The following CLCN5 variants were observed in gnomAD, a reference collection of about 807,000 sequenced individuals.
The protein encoded by CLCN5 is Cl-/H+ antiporter 5, also known as H(+)/Cl(-) exchange transporter 5.
Under a neutral mutation model 54.0 loss-of-function variants are expected in CLCN5, and 17 were observed. The ratio of observed to expected loss-of-function variants is 0.31; its 90% CI spans 0.22 to 0.47. The LOEUF is 0.47. Among genes scored for constraint, CLCN5 ranks in the 20% least tolerant of loss-of-function variants. The pLI is 1.00. For missense variants in CLCN5, 448 were observed against 646.7 expected, an observed-to-expected ratio of 0.69 and a Z score of 3.33; for synonymous variants, 222 against 233.0, an observed-to-expected ratio of 0.95 and a Z score of 0.43.
chrX:49,966,199 G>C (rs1927837838), intron 3 of CLCN5, among the ~76,000 whole-genome samples: 1 of 111,015 alleles, frequency 9.0e-6, no homozygotes, highest in Non-Finnish European at 1.9e-5. Context: ...ATCTGGACTT[G>C]GAGTTTTATT....
At chrX:50,059,096 A>G (rs1557189495) in intron 4 of CLCN5, among the ~76,000 whole-genome samples, 1 of 111,999 alleles carries the variant, frequency 8.9e-6, no homozygotes, top group Non-Finnish European at 1.9e-5. Flanking sequence ...AAAAATGCTA[A>G]GAAAAGAAAC....
chrX:49,946,520 T>G (rs1278462805), intron 3 of CLCN5, among the ~76,000 whole-genome samples: 1 of 112,296 alleles, frequency 8.9e-6, no homozygotes, highest in East Asian at 2.8e-4. Flanking sequence ...GCAGTTCATA[T>G]AACAGCACCT....
intron 3 of CLCN5, among the ~76,000 whole-genome samples, chrX:50,019,425 AG>A: frequency 9.5e-6 from 1 of 105,399 alleles, no homozygotes; most frequent in South Asian, 4.3e-4. Flanking sequence ...AAATACAAAA[AG>A]TAATTTGTGC....
At position 50,029,253 on chromosome X, in the gene CLCN5, T is replaced by G. The variant is rs565907121; in HGVS notation, c.17-13063T>G. Among the ~76,000 whole-genome samples the G allele has an allele frequency of 7.2e-4, 80 of 110,442 alleles. No homozygotes were observed. In the South Asian group the frequency reaches 0.03, roughly 42 times the overall value. ...TGTCATGTTGGTGTGCTGCACCCAT[T>G]AACTTGTCATTTAGCATTAGGTATA... is the stretch of plus-strand genomic sequence containing the variant. On this transcript the variant is annotated intron_variant, in intron 3 of 14. Coordinates refer to ENST00000376091, the MANE Select transcript of CLCN5 (RefSeq NM_001127898.4).
chrX:49,948,449 G>GT (rs1232693575), intron 3 of CLCN5, among the ~76,000 whole-genome samples: 136 of 106,058 alleles, frequency 1.3e-3, no homozygotes, highest in South Asian at 6.8e-3. Flanking sequence ...TGGTTGATGT[G>GT]TTTTTTTTTT....
intron 14 of CLCN5, among the ~76,000 whole-genome samples, chrX:50,091,226 A>G (rs1214289165): frequency 8.9e-6 from 1 of 111,751 alleles, no homozygotes; most frequent in South Asian, 3.9e-4. Flanking sequence ...TTTGTTCCCT[A>G]CAATCTCCTT....
At chrX:49,935,038 C>T (rs6651704) in intron 3 of CLCN5, among the ~76,000 whole-genome samples, 7,194 of 111,450 alleles carry the variant, frequency 0.065, 587 homozygotes, top group African/African-American at 0.22. Flanking sequence ...TTCCTGCCAT[C>T]CAAATTCTCA....
chrX:49,956,218 T>G (rs1927312067), intron 3 of CLCN5, among the ~76,000 whole-genome samples: 1 of 111,873 alleles, frequency 8.9e-6, no homozygotes, highest in African/African-American at 3.3e-5. Flanking sequence ...AGCCTCTGAC[T>G]AAGGCTGGCA....
intron 3 of CLCN5, among the ~76,000 whole-genome samples, chrX:49,935,763 C>T (rs1288586288): frequency 9.0e-6 from 1 of 110,925 alleles, no homozygotes; most frequent in Non-Finnish European, 1.9e-5. Context: ...CCTTTCCCAG[C>T]ATGGTCCATT....
intron 3 of CLCN5, among the ~76,000 whole-genome samples, chrX:49,992,633 A>G (rs1300777161): frequency 1.8e-5 from 2 of 111,937 alleles, no homozygotes; most frequent in African/African-American, 6.5e-5. Context: ...CGCTAGGACA[A>G]TATGCTGAGT....
chrX:49,980,927 C>T (rs1428069689), intron 3 of CLCN5, among the ~76,000 whole-genome samples: 1 of 111,433 alleles, frequency 9.0e-6, no homozygotes, highest in Non-Finnish European at 1.9e-5. Flanking sequence ...GTTATTTCTC[C>T]ATCAAAATCA....
intron 3 of CLCN5, among the ~76,000 whole-genome samples, chrX:49,984,792 T>A (rs1557178106): frequency 9.1e-6 from 1 of 110,448 alleles, no homozygotes; most frequent in East Asian, 2.8e-4. Context: ...TTAAAAAATT[T>A]TTTTTTGTAG....
chrX:50,014,557 TTCTC>T, intron 3 of CLCN5: 1 of 334,261 alleles, frequency 3.0e-6, no homozygotes, highest in South Asian at 2.7e-5. Flanking sequence ...ACAGAGAACC[TTCTC>T]TGCTTCGAGC....
chrX:49,976,783 G>A (rs1310838523), intron 3 of CLCN5, among the ~76,000 whole-genome samples: 4 of 111,385 alleles, frequency 3.6e-5, no homozygotes, highest in Non-Finnish European at 7.5e-5. Context: ...CAAAGGTTAC[G>A]ACAGCAGGAG....
intron 3 of CLCN5, among the ~76,000 whole-genome samples, chrX:49,965,461 T>G (rs1342467302): frequency 8.9e-6 from 1 of 112,127 alleles, no homozygotes; most frequent in Non-Finnish European, 1.9e-5. Context: ...ATAGAATTCA[T>G]TTTTTACATT....
chrX:49,943,528 G>A (rs1292539589), intron 3 of CLCN5, among the ~76,000 whole-genome samples: 1 of 104,472 alleles, frequency 9.6e-6, no homozygotes, highest in African/African-American at 3.7e-5. Context: ...GGGTTTTTAT[G>A]GTTTTAGGTC....
chrX:50,079,816 A>G (rs1458280456), intron 7 of CLCN5, among the ~76,000 whole-genome samples: 1 of 110,766 alleles, frequency 9.0e-6, no homozygotes, highest in Non-Finnish European at 1.9e-5. Flanking sequence ...GGAGAAGTGG[A>G]CCAAAGGGTA....
chrX:50,038,461 A>C (rs1315140798), intron 3 of CLCN5, among the ~76,000 whole-genome samples: 1 of 111,478 alleles, frequency 9.0e-6, no homozygotes, highest in African/African-American at 3.3e-5. Context: ...AAATAGAAGA[A>C]CACAATGTCA....
At chrX:50,033,186 G>A (rs1279572056) in intron 3 of CLCN5, among the ~76,000 whole-genome samples, 2 of 110,985 alleles carry the variant, frequency 1.8e-5, no homozygotes, top group African/African-American at 3.3e-5. Context: ...GGCAGGAGAA[G>A]GAAATAAAGG....
Sources: gnomAD v4.1 joint callset for allele counts (sites outside exome capture counted in the v4.1 genomes callset) on GRCh38, gnomAD v4.1.1 for gene constraint, MANE v1.5 for transcripts, NCBI Gene and HGNC (gene_info 2026-07-23, HGNC 2026-07-21) for gene names.